The following CCDC138 variants were observed in gnomAD, a reference collection of about 807,000 sequenced individuals.
CCDC138 encodes coiled-coil domain containing 138.
A neutral mutation model predicts 82.3 loss-of-function variants in CCDC138; 66 were observed. The ratio of observed to expected loss-of-function variants is 0.80; its 90% confidence interval spans 0.66 to 0.98. The LOEUF (loss-of-function observed/expected upper bound fraction) is 0.98, where lower values mean the gene tolerates loss of function less well. CCDC138 is among the 50% of genes least tolerant of loss of function. The probability of loss-of-function intolerance (pLI) is 0.00; values close to 1 mark genes in which losing one functional copy is unlikely to be tolerated. For synonymous variants in CCDC138, 297 were observed against 265.4 expected (o/e 1.12, Z -1.16); for missense variants, 816 against 758.9 (o/e 1.08, Z -0.88).
intron 13 of CCDC138, among the ~76,000 whole-genome samples, chr2:108,858,787 C>T (rs540721368): frequency 2.6e-5 from 4 of 151,906 alleles, no homozygotes; most frequent in African/African-American, 7.2e-5. Context: ...TGGGCTTCAA[C>T]TGAACTCGTC....
intron 6 of CCDC138, among the ~76,000 whole-genome samples, chr2:108,804,201 T>A (rs919883795): frequency 2.6e-5 from 4 of 152,210 alleles, no homozygotes; most frequent in Non-Finnish European, 4.4e-5. Context: ...CTGTAGAAAC[T>A]TGTTTTAAAG....
In CCDC138 at chr2:108,846,724, C is replaced by T. The variant is rs1358020735; in HGVS notation, c.1324-14C>T. 1 of 1,588,334 alleles carries T rather than the reference C, an allele frequency of 6.3e-7. No homozygotes were observed. The highest frequency in any genetic ancestry group is 1.1e-5 in the South Asian group (1 of 87,538). On this transcript the variant is annotated splice_polypyrimidine_tract_variant and intron_variant, in intron 11 of 14. Transcript: ENST00000295124. The stretch of plus-strand genomic sequence containing the variant: ...CATGAATAAATATACTAAGATTGTA[C>T]ATATTTTTAACAGCACTCGACTATG...
At chr2:108,846,662 G>A in intron 11 of CCDC138, 76 bp from the exon 12 acceptor site, 2 of 1,326,996 alleles carry the variant, frequency 1.5e-6, no homozygotes, top group Non-Finnish European at 1.1e-6. Flanking sequence ...GGGCAACAGA[G>A]CAAGACTGTG....
chr2:108,833,997 C>T (rs1192415001), intron 10 of CCDC138, among the ~76,000 whole-genome samples: 2 of 147,942 alleles, frequency 1.4e-5, no homozygotes, highest in Non-Finnish European at 3.0e-5. Context: ...CCGCCTGCCT[C>T]GGCCTCCCAA....
Position 108,794,567 on chromosome 2 carries a change from C to G in CCDC138, c.422C>G (p.Ser141Trp), listed in dbSNP as rs767526878. Residue 141 changes from serine to tryptophan, a missense_variant, in exon 5 of 15, where the codon TCG (serine) becomes TGG (tryptophan). Physicochemically the swap from Ser to Trp is radical, Grantham distance 177 (BLOSUM62 -3). Coordinates refer to ENST00000295124, the MANE Select transcript of CCDC138 (RefSeq NM_144978.3). ...GCCTTGCCAACTAATACGACCTCAT[C>G]GAGACCTCGGACTGAGTGTTGTAGT... Reference protein sequence around the residue: ...KVALPTNTTSSRPRTECCSDA... With the variant: ...KVALPTNTTSWRPRTECCSDA... 1.2e-6 allele frequency: 2 copies of G among 1,612,294 alleles called. No homozygotes were observed. Among genetic ancestry groups the G allele is most frequent in the African/African-American group, 1.3e-5 (1 of 74,840 alleles).
At chr2:108,813,643 G>A (rs1199834028) in intron 9 of CCDC138, among the ~76,000 whole-genome samples, 3 of 151,892 alleles carry the variant, frequency 2.0e-5, no homozygotes, top group Non-Finnish European at 4.4e-5. Context: ...ATTACATATG[G>A]TAACATAATG....
intron 8 of CCDC138, 31 bp downstream of exon 8, chr2:108,812,739 A>C (rs1267591409): frequency 5.0e-6 from 8 of 1,607,336 alleles, no homozygotes; most frequent in Non-Finnish European, 6.0e-6. Flanking sequence ...TACAGACAGA[A>C]GTATGTTTTT....
Position 108,791,774 on chromosome 2 carries a change from C to G in CCDC138, c.366C>G (p.Thr122=). The G allele has an allele frequency of 6.3e-7, 1 of 1,595,030 alleles. No individual in the cohort carries two copies. The highest frequency in any genetic ancestry group is 8.6e-7 in the Non-Finnish European group (1 of 1,168,468). Residue 122 remains threonine, a synonymous_variant, in exon 4 of 15, where the codon ACC becomes ACG. Coordinates refer to ENST00000295124, the MANE Select transcript of CCDC138 (RefSeq NM_144978.3). The stretch of plus-strand genomic sequence containing the variant: ...ATAGAGTTAGTACCTCGAAAATAAC[C>G]AAGCAGTCTTTTAAAGAAATAGAAA... ...NDYRVSTSKI[T]KQSFKEIEKV... is the part of the protein sequence containing the mutation.
chr2:108,805,566 A>C (rs535774886), intron 7 of CCDC138, among the ~76,000 whole-genome samples: 1 of 52,876 alleles, frequency 1.9e-5, no homozygotes, highest in East Asian at 1.9e-3. Flanking sequence ...TCTACCAAAA[A>C]TACAAAAAAA....
chr2:108,875,886 C>G (rs1558776690), intron 14 of CCDC138, among the ~76,000 whole-genome samples: 1 of 152,116 alleles, frequency 6.6e-6, no homozygotes, highest in Non-Finnish European at 1.5e-5. Flanking sequence ...CTTTTTTCCC[C>G]AGTGGTTTTC....
chr2:108,788,266 A>C (rs1217818423), intron 2 of CCDC138, among the ~76,000 whole-genome samples, 177 bp downstream of exon 2: 1 of 151,886 alleles, frequency 6.6e-6, no homozygotes, highest in Non-Finnish European at 1.5e-5. Context: ...TAAAGATACA[A>C]AAAATTAGCC....
At chr2:108,834,768 CT>C (rs1217333642) in intron 10 of CCDC138, among the ~76,000 whole-genome samples, 1 of 152,210 alleles carries the variant, frequency 6.6e-6, no homozygotes, top group African/African-American at 2.4e-5. Context: ...CCTCCCTCCC[CT>C]GTAGACCTTG....
chr2:108,816,834 C>A, intron 10 of CCDC138, among the ~76,000 whole-genome samples: 1 of 152,114 alleles, frequency 6.6e-6, no homozygotes, highest in African/African-American at 2.4e-5. Context: ...GTAGGGTCTA[C>A]AGGTATACAC....
chr2:108,847,191 T>A (rs1387854893), intron 12 of CCDC138, among the ~76,000 whole-genome samples: 1 of 152,248 alleles, frequency 6.6e-6, no homozygotes, highest in Non-Finnish European at 1.5e-5. Flanking sequence ...TACATCTATT[T>A]GTATTTGTCA....
In CCDC138 at chr2:108,856,823, C is replaced by G. The variant is rs1457371215; in HGVS notation, c.1546C>G (p.Leu516Val). ...ADYLAQAFDS[L>V]CLDLKTEEGK... The stretch of plus-strand genomic sequence containing the variant: ...TTACCTGGCTCAGGCATTTGATTCT[C>G]TTTGTTTGGACTTGAAGACAGAAGA... The change falls in exon 13 of 15, where the codon CTT (leucine) becomes GTT (valine). Residue 516 changes from leucine (L) to valine (V), a missense_variant. Coordinates refer to ENST00000295124, the MANE Select transcript of CCDC138 (RefSeq NM_144978.3). The G allele has an allele frequency of 2.5e-6, 4 of 1,613,032 alleles. No individual in the cohort carries two copies. In the African/African-American group the frequency reaches 5.3e-5, roughly 22 times the overall value.
intron 5 of CCDC138, among the ~76,000 whole-genome samples, 198 bp from the exon 6 acceptor site, chr2:108,798,230 C>G (rs1373387428): frequency 2.6e-5 from 4 of 152,118 alleles, no homozygotes; most frequent in Admixed American, 6.5e-5. Flanking sequence ...ACTATAGTGT[C>G]ATATCATTTA....
At chr2:108,882,957 G>A (rs114658101) in intron 2 of CCDC138, 166 of 152,034 alleles carry the variant, frequency 1.1e-3, no homozygotes, top group African/African-American at 3.4e-3. Context: ...AGGGTGTGAG[G>A]TAGGGGTTTA....
At chr2:108,867,829 C>T (rs1194698963) in intron 13 of CCDC138, among the ~76,000 whole-genome samples, 1 of 152,180 alleles carries the variant, frequency 6.6e-6, no homozygotes, top group East Asian at 1.9e-4. Context: ...GTCATCAGAA[C>T]TGGAATAAAA....
intron 3 of CCDC138, among the ~76,000 whole-genome samples, chr2:108,789,519 G>T (rs748967615): frequency 6.6e-6 from 1 of 152,204 alleles, no homozygotes; most frequent in Non-Finnish European, 1.5e-5. Flanking sequence ...ACTTGAACCC[G>T]GGAGGTGGAG....
Sources: allele counts gnomAD v4.1 joint callset (sites outside exome capture counted in the v4.1 genomes callset), GRCh38; gene constraint gnomAD v4.1.1; transcripts MANE v1.5; gene names NCBI Gene and HGNC (gene_info 2026-07-23, HGNC 2026-07-21).